HIBCH: variants seen among roughly 807,000 people sequenced by gnomAD.
The protein encoded by HIBCH is 3-hydroxyisobutyryl-CoA hydrolase, mitochondrial.
In HIBCH, 50 loss-of-function variants were observed where a neutral mutation model predicts 58.2. That is an observed-to-expected ratio of 0.86 (90% CI 0.68 to 1.09). The LOEUF (loss-of-function observed/expected upper bound fraction) is 1.09, where lower values mean the gene tolerates loss of function less well. HIBCH is among the 50% of genes least tolerant of loss of function. The pLI is 0.00. For missense variants in HIBCH, 450 were observed against 449.7 expected (o/e 1.00, Z -0.01); for synonymous variants, 151 against 146.9 (o/e 1.03, Z -0.20).
Position 190,319,782 on chromosome 2 carries a change from C to T in HIBCH, c.-32G>A. ...ACACTCCGAAGCTAAAGCAGCAGAG[C>T]GAGAATCTCCCGGACCGTTCCAGCG... On this transcript the variant is annotated 5_prime_UTR_variant, in exon 1 of 14. Coordinates refer to ENST00000359678, the MANE Select transcript of HIBCH (RefSeq NM_014362.4). 6.2e-7 allele frequency: 1 copy of T among 1,604,314 alleles called. No individual in the cohort carries two copies. Among genetic ancestry groups the T allele is most frequent in the Non-Finnish European group, 8.5e-7 (1 of 1,175,314 alleles).
At chr2:190,274,624 G>A (rs542171879) in intron 6 of HIBCH, among the ~76,000 whole-genome samples, 1 of 152,234 alleles carries the variant, frequency 6.6e-6, no homozygotes, top group Non-Finnish European at 1.5e-5. Context: ...CAACAAGACA[G>A]ACCAACAAGA....
chr2:190,287,711 C>A, intron 5 of HIBCH, 73 bp from the exon 6 acceptor site: 1 of 1,077,410 alleles, frequency 9.3e-7, no homozygotes, highest in Non-Finnish European at 1.4e-6. Context: ...AAAAAACCCA[C>A]ATTATATATA....
At chr2:190,203,005 A>T (rs1369571027), downstream of HIBCH, 1 of 166,270 alleles carries the variant, frequency 6.0e-6, no homozygotes, top group Non-Finnish European at 1.5e-5. Context: ...TGAAGGGGAA[A>T]AAAATGATAA....
At position 190,285,821 on chromosome 2, in the gene HIBCH, C is replaced by T. The variant is rs560533850; in HGVS notation, c.438+1765G>A. ...AGCTGGCCGTAAAGAAGTTCTCTAA[C>T]CTACCTCTTCTGAAAGTATGTCTTT... On this transcript the variant is annotated intron_variant, in intron 6 of 13. Transcript: ENST00000359678. 2.0e-5 allele frequency among the ~76,000 whole-genome samples: 3 copies of T among 152,200 alleles called. No individual in the cohort carries two copies. The East Asian group carries it at 5.8e-4, about 29-fold the overall frequency.
downstream of HIBCH, chr2:190,201,678 T>C (rs1045503709): frequency 3.6e-5 from 6 of 167,080 alleles, no homozygotes; most frequent in African/African-American, 1.4e-4. Context: ...CATGTTTTCG[T>C]TGCCTTTGGA....
At chr2:190,225,689 G>A (rs188552695) in intron 11 of HIBCH, among the ~76,000 whole-genome samples, 203 of 152,242 alleles carry the variant, frequency 1.3e-3, no homozygotes, top group African/African-American at 4.5e-3. Flanking sequence ...TCTACCAGAG[G>A]TACAAAGAGG....
chr2:190,225,083 C>T (rs1685847893), intron 11 of HIBCH, among the ~76,000 whole-genome samples: 1 of 152,154 alleles, frequency 6.6e-6, no homozygotes, highest in Admixed American at 6.5e-5. Flanking sequence ...AGAACAAAGA[C>T]ACAACATACC....
At chr2:190,278,093 T>C (rs560326525) in intron 6 of HIBCH, among the ~76,000 whole-genome samples, 1 of 152,308 alleles carries the variant, frequency 6.6e-6, no homozygotes, top group South Asian at 2.1e-4. Context: ...TTACAAAAAT[T>C]GTTCCTAAAG....
intron 2 of HIBCH, among the ~76,000 whole-genome samples, chr2:190,305,562 C>T (rs1023901586): frequency 5.9e-5 from 9 of 152,182 alleles, no homozygotes; most frequent in African/African-American, 2.2e-4. Context: ...TATACAACAA[C>T]CCTGTTTCCA....
chr2:190,200,199 G>C (rs766857632), downstream of HIBCH: 1 of 1,511,874 alleles, frequency 6.6e-7, no homozygotes, highest in Non-Finnish European at 9.1e-7. Context: ...TTGAATAAAT[G>C]TGACAAAAGC....
rs7569296 is a variant in HIBCH, at chr2:190,216,292, C to T, written c.892-3217G>A. 0.3 allele frequency among the ~76,000 whole-genome samples: 45,280 copies of T among 151,946 alleles called. 7,571 individuals carry two copies. The highest frequency in any genetic ancestry group is 0.47 in the East Asian group (2,435 of 5,162). On this transcript the variant is annotated intron_variant, in intron 11 of 13. Transcript: ENST00000359678. This position sits in a 1 kb window ranked among gnomAD's most constrained non-coding sequence, Gnocchi z 4.2. The stretch of plus-strand genomic sequence containing the variant: ...AGGGATGTGGAGGACAGTTTAGGAT[C>T]AGGAGCAGTGGGTTGCCTATGGATG...
chr2:190,299,707 C>CAT (rs2124831720), intron 2 of HIBCH, among the ~76,000 whole-genome samples: 1 of 152,178 alleles, frequency 6.6e-6, no homozygotes, highest in East Asian at 1.9e-4. Context: ...GTTCAGGGTA[C>CAT]ATGCGCAGGT....
At chr2:190,225,698 G>C (rs1044974913) in intron 11 of HIBCH, among the ~76,000 whole-genome samples, 3 of 152,182 alleles carry the variant, frequency 2.0e-5, no homozygotes, top group African/African-American at 7.2e-5. Flanking sequence ...GGTACAAAGA[G>C]GAGCTGGTAC....
intron 7 of HIBCH, among the ~76,000 whole-genome samples, chr2:190,255,362 C>T (rs964176897): frequency 7.2e-5 from 11 of 152,144 alleles, no homozygotes; most frequent in African/African-American, 2.7e-4. Flanking sequence ...ATATTCTGCT[C>T]TCAGTTCTTC....
At chr2:190,266,916 C>T (rs1047274139) in intron 6 of HIBCH, among the ~76,000 whole-genome samples, 4 of 151,084 alleles carry the variant, frequency 2.6e-5, no homozygotes, top group Non-Finnish European at 5.9e-5. Context: ...ACCACCACAC[C>T]AGGCTAGTTT....
At chr2:190,198,426 A>G (rs1690078265) in intron 1 of HIBCH, among the ~76,000 whole-genome samples, 1 of 151,934 alleles carries the variant, frequency 6.6e-6, no homozygotes, top group African/African-American at 2.4e-5. Context: ...AGATCACTTG[A>G]CCCCGGGAGT....
chr2:190,228,820 T>C (rs1686005566), intron 11 of HIBCH, among the ~76,000 whole-genome samples: 1 of 152,176 alleles, frequency 6.6e-6, no homozygotes, highest in Non-Finnish European at 1.5e-5. Context: ...ATCAAACAAT[T>C]CATATTCTCA....
rs1187562613 is a variant in HIBCH at position 190,309,854 on chromosome 2, A to G, written c.78+900T>C. On this transcript the variant is annotated intron_variant, in intron 2 of 13. Transcript: ENST00000359678. Reference sequence around the variant, plus strand: ...CTAGATTTTTTAATGCATTATTGTGATGGTTAATATTGACTGTCAACGTGA... The same window carrying G: ...CTAGATTTTTTAATGCATTATTGTGGTGGTTAATATTGACTGTCAACGTGA... Among the ~76,000 whole-genome samples, 7 of 151,980 alleles carry G rather than the reference A, an allele frequency of 4.6e-5. No individual in the cohort carries two copies. The East Asian group carries it at 1.2e-3, about 25-fold the overall frequency.
chr2:190,292,677 TAAAC>T (rs372413979), intron 4 of HIBCH, among the ~76,000 whole-genome samples: 102 of 152,262 alleles, frequency 6.7e-4, no homozygotes, highest in African/African-American at 1.4e-3. Flanking sequence ...CACTTATACC[TAAAC>T]AAACAAACAA....
Sources: gnomAD v4.1 joint callset for allele counts (sites outside exome capture counted in the v4.1 genomes callset) on GRCh38, gnomAD v4.1.1 for gene constraint, Gnocchi (gnomAD v3.1) non-coding constraint, MANE v1.5 for transcripts, NCBI Gene and HGNC (gene_info 2026-07-23, HGNC 2026-07-21) for gene names.